PLPPR4: variants seen among roughly 807,000 people sequenced by gnomAD.
The protein encoded by PLPPR4 is phospholipid phosphatase related 4.
Under a neutral mutation model 56.6 loss-of-function variants are expected in PLPPR4, and 24 were observed. The ratio of observed to expected loss-of-function variants is 0.42; its 90% confidence interval spans 0.31 to 0.60. PLPPR4 has a LOEUF of 0.60. PLPPR4 is among the 20% of genes least tolerant of loss of function. PLPPR4 has a pLI of 0.13. For missense variants in PLPPR4, 654 were observed against 885.8 expected, an observed-to-expected ratio of 0.74 and a Z score of 3.32; for synonymous variants, 326 against 328.1, an observed-to-expected ratio of 0.99 and a Z score of 0.07.
intron 6 of PLPPR4, among the ~76,000 whole-genome samples, chr1:99,305,374 G>GA (rs1244973449): frequency 3.3e-5 from 5 of 151,920 alleles, no homozygotes; most frequent in Non-Finnish European, 5.9e-5. Flanking sequence ...TTGAAAAGCA[G>GA]AAAAAAAGTC....
chr1:99,306,117 C>G lies in PLPPR4; in HGVS notation c.1255C>G (p.Pro419Ala), dbSNP rs755381882. ...AAAGTTGTCCTTGCAAGTTATAGAG[C>G]CTGAGCCTGGGCAGTCACCACCCAG... ...SRKLSLQVIE[P>A]EPGQSPPRSI... The change falls in exon 7 of 7, where the codon CCT (proline) becomes GCT (alanine). Residue 419 changes from proline to alanine, a missense_variant. By Grantham distance (27) the Pro-to-Ala change is conservative. Coordinates refer to ENST00000370185, the MANE Select transcript of PLPPR4 (RefSeq NM_014839.5). The surrounding 1 kb of genome is among the most constrained non-coding windows in gnomAD (Gnocchi z 4.0). 2.5e-6 allele frequency: 4 copies of G among 1,613,978 alleles called. No individual in the cohort carries two copies. The highest frequency in any genetic ancestry group is 2.7e-5 in the African/African-American group (2 of 74,894).
At chr1:99,270,012 TGTGTG>T in intron 1 of PLPPR4, among the ~76,000 whole-genome samples, 1 of 149,682 alleles carries the variant, frequency 6.7e-6, no homozygotes, top group East Asian at 1.9e-4. Context: ...TGTGTGTGTG[TGTGTG>T]TGTGTGTGTG....
At position 99,307,203 on chromosome 1, in the gene PLPPR4, A is replaced by G. The variant is rs573139969; in HGVS notation, c.*193A>G. 2.7e-5 allele frequency: 17 copies of G among 621,700 alleles called. No individual in the cohort carries two copies. The highest frequency in any genetic ancestry group is 3.6e-4 in the Middle Eastern group (1 of 2,796). 38.5% of individuals were successfully genotyped at this position (621,700 alleles called of 1,614,324 possible). A position where few individuals can be genotyped will look rare whatever the true frequency, so the allele number is the denominator to read the frequency against. On this transcript the variant is annotated 3_prime_UTR_variant, in exon 7 of 7. Transcript: ENST00000370185. Reference sequence around the variant, plus strand: ...CAAGGAGAGGGAAAAGCACAATGCAAGAACCTAACTAACGTGATGATATGA... The same window carrying G: ...CAAGGAGAGGGAAAAGCACAATGCAGGAACCTAACTAACGTGATGATATGA...
chr1:99,299,008 T>A, intron 3 of PLPPR4, 27 bp from the exon 4 acceptor site: 1 of 1,544,770 alleles, frequency 6.5e-7, no homozygotes, highest in South Asian at 1.1e-5. Context: ...ACCAACTTGG[T>A]AACAATTTCT....
chr1:99,304,806 G>C (rs1022094231), intron 6 of PLPPR4, among the ~76,000 whole-genome samples: 15 of 152,108 alleles, frequency 9.9e-5, no homozygotes, highest in African/African-American at 3.6e-4. Context: ...ACAAACAGGT[G>C]TCTGCTGCTT....
At chr1:99,287,926 A>C in intron 1 of PLPPR4, 39 bp from the exon 2 acceptor site, 1 of 1,533,046 alleles carries the variant, frequency 6.5e-7, no homozygotes, top group Non-Finnish European at 9.0e-7. Flanking sequence ...CCTGTATATC[A>C]GGTAGAATAA....
At chr1:99,275,135 C>T (rs750384212) in intron 1 of PLPPR4, among the ~76,000 whole-genome samples, 1 of 152,096 alleles carries the variant, frequency 6.6e-6, no homozygotes, top group Non-Finnish European at 1.5e-5. Context: ...ACATGAAGAA[C>T]ATCCAACTGT....
chr1:99,273,330 AAGACG>A (rs1450151504), intron 1 of PLPPR4, among the ~76,000 whole-genome samples: 1 of 152,058 alleles, frequency 6.6e-6, no homozygotes, highest in Admixed American at 6.6e-5. Context: ...GAAAAGGGGA[AAGACG>A]AGTAATTAAA....
intron 5 of PLPPR4, 54 bp downstream of exon 5, chr1:99,301,020 T>C: frequency 1.3e-6 from 2 of 1,494,128 alleles, no homozygotes; most frequent in Admixed American, 1.7e-5. Context: ...ATCTGAGGAA[T>C]GAATGTTGTC....
chr1:99,292,954 G>C (rs1172778405), intron 2 of PLPPR4, among the ~76,000 whole-genome samples: 1 of 151,938 alleles, frequency 6.6e-6, no homozygotes, highest in Non-Finnish European at 1.5e-5. Context: ...AAAATAACAG[G>C]CTCTAATTTC....
At chr1:99,297,753 A>C (rs1396221834) in intron 3 of PLPPR4, among the ~76,000 whole-genome samples, 1 of 152,154 alleles carries the variant, frequency 6.6e-6, no homozygotes, top group Non-Finnish European at 1.5e-5. Context: ...TGAGATGATA[A>C]GAAAACAATA....
chr1:99,306,630 T>A lies in PLPPR4; in HGVS notation c.1768T>A (p.Ser590Thr). 6.2e-7 allele frequency: 1 copy of A among 1,613,998 alleles called. No homozygotes were observed. Among genetic ancestry groups the A allele is most frequent in the Non-Finnish European group, 8.5e-7 (1 of 1,180,016 alleles). The change falls in exon 7 of 7, where the codon TCC becomes ACC. Residue 590 changes from serine to threonine, a missense_variant. Ser to Thr is a moderately conservative substitution (Grantham distance 58). Coordinates refer to ENST00000370185, the MANE Select transcript of PLPPR4 (RefSeq NM_014839.5). This position sits in a 1 kb window ranked among gnomAD's most constrained non-coding sequence, Gnocchi z 4.0. ...ENNRPIIQIP[S>T]TEGEGSGSWK... ...CAACAGGCCCATCATACAGATCCCG[T>A]CCACTGAAGGTGAAGGCAGTGGCTC...
intron 1 of PLPPR4, among the ~76,000 whole-genome samples, chr1:99,271,943 T>TGA (rs1553190909): frequency 0.2 from 25,947 of 126,734 alleles, 3,661 homozygotes; most frequent in Middle Eastern, 0.32. Context: ...TGTGTGTGTG[T>TGA]GATGGAGATC....
chr1:99,272,402 A>T (rs2100785218), intron 1 of PLPPR4, among the ~76,000 whole-genome samples: 1 of 152,256 alleles, frequency 6.6e-6, no homozygotes, highest in East Asian at 1.9e-4. Flanking sequence ...TTTCCTAATT[A>T]TTACTATTTC....
intron 1 of PLPPR4, among the ~76,000 whole-genome samples, chr1:99,272,716 G>A (rs1055313279): frequency 3.3e-5 from 5 of 152,136 alleles, no homozygotes; most frequent in African/African-American, 1.2e-4. Flanking sequence ...GTCTCTAACA[G>A]AGAGTACAGG....
chr1:99,297,403 C>A (rs928591926), intron 3 of PLPPR4, among the ~76,000 whole-genome samples: 1 of 152,048 alleles, frequency 6.6e-6, no homozygotes, highest in Non-Finnish European at 1.5e-5. Context: ...AATCTATAGA[C>A]CTGGCTACCA....
At position 99,275,404 on chromosome 1, in the gene PLPPR4, C is replaced by T. The variant is rs115340608; in HGVS notation, c.78+10733C>T. On this transcript the variant is annotated intron_variant, in intron 1 of 6. Coordinates refer to ENST00000370185, the MANE Select transcript of PLPPR4 (RefSeq NM_014839.5). ...AATATTGGTTCTGGTAATTTTTAGA[C>T]GGTTGGCCCAGGACATAATTAAGGA... is the stretch of plus-strand genomic sequence containing the variant. 3.0e-3 allele frequency among the ~76,000 whole-genome samples: 462 copies of T among 152,134 alleles called. 3 individuals are homozygous for T. The highest frequency in any genetic ancestry group is 5.6e-3 in the Non-Finnish European group (378 of 67,978).
At chr1:99,290,134 C>CCT (rs1197408767) in intron 2 of PLPPR4, among the ~76,000 whole-genome samples, 1 of 152,052 alleles carries the variant, frequency 6.6e-6, no homozygotes, top group Non-Finnish European at 1.5e-5. Flanking sequence ...CACTAGCAAT[C>CCT]CTATACCCCA....
chr1:99,286,782 G>C (rs1331354064), intron 1 of PLPPR4, among the ~76,000 whole-genome samples: 2 of 152,164 alleles, frequency 1.3e-5, no homozygotes, highest in Non-Finnish European at 2.9e-5. Flanking sequence ...TGAAAACGTA[G>C]TACAAGAAGA....
Sources: gnomAD v4.1 joint callset for allele counts (sites outside exome capture counted in the v4.1 genomes callset) on GRCh38, gnomAD v4.1.1 for gene constraint, Gnocchi (gnomAD v3.1) non-coding constraint, MANE v1.5 for transcripts, NCBI Gene and HGNC (gene_info 2026-07-23, HGNC 2026-07-21) for gene names.